Variants in GMFB observed in about 807,000 individuals in gnomAD.
The protein encoded by GMFB is glia maturation factor beta, also known as GMF-beta.
Under a neutral mutation model 25.6 loss-of-function variants are expected in GMFB, and 13 were observed. The ratio of observed to expected loss-of-function variants is 0.51; its 90% CI spans 0.33 to 0.81. GMFB has a LOEUF of 0.81. Ranked by LOEUF, GMFB falls within the 30% of genes least tolerant of loss-of-function variation. GMFB has a pLI of 0.02. For missense variants in GMFB, 146 were observed against 175.4 expected, an observed-to-expected ratio of 0.83 and a Z score of 0.95; for synonymous variants, 57 against 56.9, an observed-to-expected ratio of 1.00 and a Z score of 0.00.
At chr14:54,479,351 ATT>A (rs2031680560) in intron 6 of GMFB, 1 of 152,552 alleles carries the variant, frequency 6.6e-6, no homozygotes, top group Non-Finnish European at 1.5e-5. Context: ...TTCTAACTTT[ATT>A]AATATTCTTA....
At position 54,485,419 on chromosome 14, in the gene GMFB, CACTT is replaced by C. The variant is rs559471086; in HGVS notation, c.4-1656_4-1653del. On this transcript the variant is annotated intron_variant, in intron 1 of 6. Transcript: ENST00000358056. Reference sequence around the variant, plus strand: ...GAAAAAGAAATCAAGAAAGCAATCTCACTTACAATAGCTATAAAAAATTTAGGAA... The same window carrying C: ...GAAAAAGAAATCAAGAAAGCAATCTCACAATAGCTATAAAAAATTTAGGAA... Among the ~76,000 whole-genome samples, 163 of 152,124 alleles carry C rather than the reference CACTT, an allele frequency of 1.1e-3. 1 individual carries two copies. Among genetic ancestry groups the C allele is most frequent in the African/African-American group, 3.8e-3 (157 of 41,524 alleles).
rs2031647864 is a variant in GMFB, at chr14:54,476,946, T to C, written c.*1142A>G. On this transcript the variant is annotated 3_prime_UTR_variant, in exon 7 of 7. Transcript: ENST00000358056. Reference sequence around the variant, plus strand: ...CTAACAAGACTGGTTTAGTTAACTATTCAGGCATCCAGTTCAGAATATCTT... The same window carrying C: ...CTAACAAGACTGGTTTAGTTAACTACTCAGGCATCCAGTTCAGAATATCTT... The C allele has an allele frequency of 6.6e-6, 1 of 152,006 alleles. No individual in the cohort carries two copies. The highest frequency in any genetic ancestry group is 1.5e-5 in the Non-Finnish European group (1 of 67,890). 9.4% of individuals were successfully genotyped at this position (152,006 alleles called of 1,614,324 possible). A position where few individuals can be genotyped will look rare whatever the true frequency, so the allele number is the denominator to read the frequency against.
intron 3 of GMFB, 140 bp downstream of exon 3, chr14:54,482,013 A>T: frequency 1.6e-6 from 1 of 619,672 alleles, no homozygotes. Flanking sequence ...CTACACAATT[A>T]GCACATGCTT....
chr14:54,475,894 T>C lies in GMFB; in HGVS notation c.*2194A>G, dbSNP rs917514670. 1 of 152,068 alleles carries C rather than the reference T, an allele frequency of 6.6e-6. No homozygotes were observed. Among genetic ancestry groups the C allele is most frequent in the African/African-American group, 2.4e-5 (1 of 41,438 alleles). The allele number at this position is 152,068 out of a possible 1,614,324, so 9.4% of individuals were successfully genotyped here. A position where few individuals can be genotyped will look rare whatever the true frequency, so the allele number is the denominator to read the frequency against. ...AAACTGGAATTATGAAATCTGGAGT[T>C]ATTATTTGGGAAATGGCAGAAAAAA... On this transcript the variant is annotated 3_prime_UTR_variant, in exon 7 of 7. Transcript: ENST00000358056.
In GMFB at chr14:54,483,781, A is replaced by C. The variant is rs2031745524; in HGVS notation, c.4-14T>G. 2 of 1,448,968 alleles carry C rather than the reference A, an allele frequency of 1.4e-6. No homozygotes were observed. Among genetic ancestry groups the C allele is most frequent in the African/African-American group, 2.8e-5 (2 of 71,434 alleles). The allele number at this position is 1,448,968 out of a possible 1,614,324, so 89.8% of individuals were successfully genotyped here. On this transcript the variant is annotated splice_polypyrimidine_tract_variant and intron_variant, in intron 1 of 6. Coordinates refer to ENST00000358056, the MANE Select transcript of GMFB (RefSeq NM_004124.3). ...CAAAGACTCACTCTATAAAAGAAAAAAAACACACATAAAATGCCATGACTT... is the reference window on the plus strand; with the variant it reads ...CAAAGACTCACTCTATAAAAGAAAACAAACACACATAAAATGCCATGACTT...
At chr14:54,481,189 T>G in intron 4 of GMFB, 1 of 570,790 alleles carries the variant, frequency 1.8e-6, no homozygotes, top group South Asian at 2.5e-5. Flanking sequence ...TCAATTTTTA[T>G]TGTACACGTT....
chr14:54,486,866 G>A (rs955337658), intron 1 of GMFB, among the ~76,000 whole-genome samples: 3 of 147,128 alleles, frequency 2.0e-5, no homozygotes, highest in Admixed American at 6.8e-5. Context: ...TACAAAGGAG[G>A]TGGTGACAGA....
intron 1 of GMFB, among the ~76,000 whole-genome samples, chr14:54,486,189 G>A (rs1182124581): frequency 6.6e-6 from 1 of 152,186 alleles, no homozygotes; most frequent in African/African-American, 2.4e-5. Flanking sequence ...GGCTGAGGTT[G>A]CAGTGAGCCG....
chr14:54,480,814 G>T, intron 5 of GMFB, 60 bp downstream of exon 5: 2 of 820,002 alleles, frequency 2.4e-6, no homozygotes, highest in Non-Finnish European at 4.1e-6. Context: ...AATTTGTCTA[G>T]TATAAAATGG....
chr14:54,483,443 G>A (rs973896505), intron 2 of GMFB: 2 of 510,148 alleles, frequency 3.9e-6, no homozygotes, highest in Non-Finnish European at 7.0e-6. Context: ...CTCCAGAGCT[G>A]TACAGGCAGC....
intron 5 of GMFB, chr14:54,480,251 A>G (rs543124192): frequency 6.1e-6 from 1 of 165,256 alleles, no homozygotes; most frequent in African/African-American, 2.4e-5. Flanking sequence ...ATCTGCTCTG[A>G]TAAAAGTTTC....
At chr14:54,487,021 G>T (rs1490685698) in intron 1 of GMFB, among the ~76,000 whole-genome samples, 1 of 152,208 alleles carries the variant, frequency 6.6e-6, no homozygotes, top group Non-Finnish European at 1.5e-5. Flanking sequence ...TTCTACTTTG[G>T]ACAAACTGAG....
At chr14:54,481,936 T>C (rs2031715957) in intron 3 of GMFB, among the ~76,000 whole-genome samples, 1 of 152,196 alleles carries the variant, frequency 6.6e-6, no homozygotes, top group Non-Finnish European at 1.5e-5. Context: ...CCCCAACTTA[T>C]ACCACTTATT....
At position 54,480,928 on chromosome 14, in the gene GMFB, G is replaced by T; in HGVS notation, c.229C>A (p.His77Asn). Residue 77 changes from histidine to asparagine, a missense_variant, in exon 5 of 7, where the codon CAT becomes AAT. His to Asn is a moderately conservative substitution (Grantham distance 68). Coordinates refer to ENST00000358056, the MANE Select transcript of GMFB (RefSeq NM_004124.3). ...GGATATGAAACTCTTCCATCATCAT[G>T]TTGATATTTATAACTATACACAATG... is the stretch of plus-strand genomic sequence containing the variant. ...RFIVYSYKYQHDDGRVSYPLC... is the reference protein window; with the variant it reads ...RFIVYSYKYQNDDGRVSYPLC... 1 of 1,528,940 alleles carries T rather than the reference G, an allele frequency of 6.5e-7. No homozygotes were observed. The highest frequency in any genetic ancestry group is 9.0e-7 in the Non-Finnish European group (1 of 1,110,740). 94.7% of individuals were successfully genotyped at this position (1,528,940 alleles called of 1,614,324 possible).
In GMFB at chr14:54,488,638, G is replaced by A. The variant is rs2031822232; in HGVS notation, c.3+287C>T. 7 of 401,684 alleles carry A rather than the reference G, an allele frequency of 1.7e-5. No individual in the cohort carries two copies. The South Asian group carries it at 3.9e-4, about 22-fold the overall frequency. The allele number at this position is 401,684 out of a possible 1,614,324, so 24.9% of individuals were successfully genotyped here. ...GAAGCTGAAGCCCTCCAACCAGAAG[G>A]ACCTGGCGTGGGGCCTCCCCAACCC... On this transcript the variant is annotated intron_variant, in intron 1 of 6. Transcript: ENST00000358056.
chr14:54,486,246 C>A (rs2031781003), intron 1 of GMFB, among the ~76,000 whole-genome samples: 1 of 152,022 alleles, frequency 6.6e-6, no homozygotes, highest in Non-Finnish European at 1.5e-5. Context: ...GAGACTCCAT[C>A]TCAAAAACAA....
intron 1 of GMFB, among the ~76,000 whole-genome samples, chr14:54,484,356 C>CA (rs1594634712): frequency 2.6e-5 from 4 of 151,666 alleles, no homozygotes; most frequent in Admixed American, 2.6e-4. Flanking sequence ...AAAGCAGAGA[C>CA]AAAAAGAAAC....
chr14:54,482,055 T>C, intron 3 of GMFB, 98 bp downstream of exon 3: 1 of 762,056 alleles, frequency 1.3e-6, no homozygotes, highest in Non-Finnish European at 2.3e-6. Context: ...TTAAAGGAGG[T>C]TCAAGATTCG....
At position 54,481,527 on chromosome 14, in the gene GMFB, C is replaced by G. The variant is rs987126463; in HGVS notation, c.151-69G>C. The G allele has an allele frequency of 6.4e-6, 6 of 941,186 alleles. No individual in the cohort carries two copies. In the African/African-American group the frequency reaches 9.8e-5, roughly 15 times the overall value. The allele number at this position is 941,186 out of a possible 1,614,324, so 58.3% of individuals were successfully genotyped here. A position where few individuals can be genotyped will look rare whatever the true frequency, so the allele number is the denominator to read the frequency against. ...ATAAGTCCTTAAGAGATACACCAAG[C>G]ACCCATTCTACTAACAGTTATAAAT... is the stretch of plus-strand genomic sequence containing the variant. On this transcript the variant is annotated intron_variant, in intron 3 of 6. Transcript: ENST00000358056.
Sources: allele counts gnomAD v4.1 joint callset (sites outside exome capture counted in the v4.1 genomes callset), GRCh38; gene constraint gnomAD v4.1.1; transcripts MANE v1.5; gene names NCBI Gene and HGNC (gene_info 2026-07-23, HGNC 2026-07-21).